The following PPARGC1A variants were observed in gnomAD, a reference collection of about 807,000 sequenced individuals.
PPARGC1A encodes the protein peroxisome proliferator-activated receptor gamma coactivator 1-alpha.
PPARGC1A carries 25 observed loss-of-function variants against 88.7 expected under a neutral mutation model. The observed-to-expected ratio is 0.28, with a 90% CI of 0.21 to 0.39. The LOEUF (loss-of-function observed/expected upper bound fraction) is 0.39. Ranked by LOEUF, PPARGC1A falls within the 10% of genes least tolerant of loss-of-function variation. The pLI is 1.00. For missense variants in PPARGC1A, 880 were observed against 968.7 expected (o/e 0.91, Z 1.22); for synonymous variants, 363 against 355.6 (o/e 1.02, Z -0.24).
At chr4:24,388,948 T>C in the PPARGC1A span, among the ~76,000 whole-genome samples, 15 of 152,216 alleles carry the variant, frequency 9.9e-5, no homozygotes, top group East Asian at 1.9e-3. Context: ...TGCACATGTA[T>C]CCCAGAACTT....
At chr4:24,108,685 C>A in the PPARGC1A span, among the ~76,000 whole-genome samples, 1 of 152,034 alleles carries the variant, frequency 6.6e-6, no homozygotes, top group Admixed American at 6.6e-5. Flanking sequence ...AAGATCTCAG[C>A]GCTGAATCCA....
At chr4:24,369,269 T>A in the PPARGC1A span, among the ~76,000 whole-genome samples, 2 of 152,174 alleles carry the variant, frequency 1.3e-5, no homozygotes, top group Non-Finnish European at 2.9e-5. Flanking sequence ...TCACAATTAT[T>A]TTTTAAAACT....
intron 2 of PPARGC1A, among the ~76,000 whole-genome samples, chr4:23,870,001 T>C (rs754106997): frequency 1.3e-5 from 2 of 152,254 alleles, no homozygotes; most frequent in Non-Finnish European, 2.9e-5. Context: ...TAAGGGAAGA[T>C]GTAATCTAAC....
At chr4:24,276,264 A>T in the PPARGC1A span, among the ~76,000 whole-genome samples, 1 of 152,078 alleles carries the variant, frequency 6.6e-6, no homozygotes, top group Admixed American at 6.6e-5. Context: ...CTTGGGGAGG[A>T]GCTCAAAGTC....
upstream of PPARGC1A, among the ~76,000 whole-genome samples, chr4:23,902,839 C>T (rs79367505): frequency 7.6e-3 from 1,155 of 152,252 alleles, 57 homozygotes; most frequent in East Asian, 0.13. Flanking sequence ...ATGCCAAAAA[C>T]GATTCAGTAA....
the PPARGC1A span, among the ~76,000 whole-genome samples, chr4:24,230,718 G>C: frequency 2.0e-5 from 3 of 152,288 alleles, no homozygotes; most frequent in South Asian, 6.2e-4. Flanking sequence ...GAAAGATCTA[G>C]AAGTGGAAGA....
chr4:24,431,997 G>A, the PPARGC1A span, among the ~76,000 whole-genome samples: 1 of 152,192 alleles, frequency 6.6e-6, no homozygotes, highest in Non-Finnish European at 1.5e-5. Flanking sequence ...TAGGATAAAA[G>A]CTAAATGGTT....
chr4:24,329,105 G>C, the PPARGC1A span, among the ~76,000 whole-genome samples: 2 of 147,124 alleles, frequency 1.4e-5, no homozygotes, highest in Non-Finnish European at 3.0e-5. Flanking sequence ...GACAAATGTG[G>C]AACGGAGCAG....
chr4:23,867,989 T>C (rs372337485), intron 2 of PPARGC1A, among the ~76,000 whole-genome samples: 17 of 152,316 alleles, frequency 1.1e-4, no homozygotes, highest in East Asian at 7.7e-4. Flanking sequence ...GAACAGCGTG[T>C]TGGGAAGCTG....
chr4:24,431,817 G>A, the PPARGC1A span, among the ~76,000 whole-genome samples: 1 of 152,156 alleles, frequency 6.6e-6, no homozygotes, highest in Non-Finnish European at 1.5e-5. Flanking sequence ...TTGAGTAAGT[G>A]AATGGATAAG....
At chr4:24,251,164 T>G in the PPARGC1A span, among the ~76,000 whole-genome samples, 52 of 152,348 alleles carry the variant, frequency 3.4e-4, no homozygotes, top group Non-Finnish European at 6.2e-4. Context: ...GTCATTATTA[T>G]TAAAATAGCC....
chr4:24,326,684 G>A, the PPARGC1A span, among the ~76,000 whole-genome samples: 13 of 152,182 alleles, frequency 8.5e-5, no homozygotes, highest in Non-Finnish European at 1.5e-4. Context: ...CCTACTGATC[G>A]TGTCCAGCTG....
upstream of PPARGC1A, among the ~76,000 whole-genome samples, chr4:23,891,138 A>C (rs552738543): frequency 4.9e-4 from 75 of 152,312 alleles, no homozygotes; most frequent in African/African-American, 1.8e-3. Context: ...AGGTAGGTGC[A>C]ACTGTTTTAT....
chr4:24,059,884 G>A, the PPARGC1A span, among the ~76,000 whole-genome samples: 1 of 152,092 alleles, frequency 6.6e-6, no homozygotes, highest in Non-Finnish European at 1.5e-5. Context: ...TTCCTTCAAA[G>A]CCACAGCAAT....
chr4:24,280,698 T>C, the PPARGC1A span, among the ~76,000 whole-genome samples: 2 of 152,250 alleles, frequency 1.3e-5, no homozygotes, highest in Admixed American at 1.3e-4. Context: ...TCAATTTTTT[T>C]AGTGGACTTA....
chr4:24,147,517 T>G, the PPARGC1A span, among the ~76,000 whole-genome samples: 1 of 152,140 alleles, frequency 6.6e-6, no homozygotes, highest in African/African-American at 2.4e-5. Flanking sequence ...GAACCTGAAT[T>G]ACTCTATCAC....
the PPARGC1A span, among the ~76,000 whole-genome samples, chr4:23,945,339 C>T: frequency 6.6e-6 from 1 of 151,990 alleles, no homozygotes; most frequent in Non-Finnish European, 1.5e-5. Flanking sequence ...AATAAACATG[C>T]ATGCATATAC....
At chr4:24,327,912 A>G in the PPARGC1A span, among the ~76,000 whole-genome samples, 3 of 152,164 alleles carry the variant, frequency 2.0e-5, no homozygotes, top group East Asian at 5.8e-4. Flanking sequence ...GAAGAATCAC[A>G]AAAGAAGTGA....
At chr4:24,448,490 T>C in the PPARGC1A span, among the ~76,000 whole-genome samples, 1 of 152,336 alleles carries the variant, frequency 6.6e-6, no homozygotes, top group South Asian at 2.1e-4. Context: ...AATCAGGCCA[T>C]GTCCCTCCCA....
Sources: gnomAD v4.1 joint callset for allele counts (sites outside exome capture counted in the v4.1 genomes callset) on GRCh38, gnomAD v4.1.1 for gene constraint, MANE v1.5 for transcripts, NCBI Gene and HGNC (gene_info 2026-07-23, HGNC 2026-07-21) for gene names.